RASA3: variants seen among roughly 807,000 people sequenced by gnomAD.
RASA3 encodes the protein ras GTPase-activating protein 3.
In RASA3, 73 loss-of-function variants were observed where a neutral mutation model predicts 110.0. The observed-to-expected ratio is 0.66, with a 90% CI of 0.55 to 0.81. The LOEUF (loss-of-function observed/expected upper bound fraction) is 0.81. Among genes scored for constraint, RASA3 ranks in the 30% least tolerant of loss-of-function variants. The pLI, the probability that RASA3 is intolerant of heterozygous loss-of-function variation, is 0.00. For missense variants in RASA3, 976 were observed against 1,113.2 expected, an observed-to-expected ratio of 0.88 and a Z score of 1.75; for synonymous variants, 500 against 451.4, an observed-to-expected ratio of 1.11 and a Z score of -1.37.
At chr13:114,037,220 C>A (rs1235912238) in intron 4 of RASA3, among the ~76,000 whole-genome samples, 2 of 152,188 alleles carry the variant, frequency 1.3e-5, no homozygotes, top group Non-Finnish European at 2.9e-5. Context: ...GAGTCCTGAT[C>A]GTCATGGTGG....
At chr13:114,040,287 T>C (rs182808171) in intron 4 of RASA3, among the ~76,000 whole-genome samples, 10 of 149,198 alleles carry the variant, frequency 6.7e-5, no homozygotes, top group African/African-American at 2.5e-4. Flanking sequence ...CAACCCAAAA[T>C]CCATGGCAGA....
chr13:114,079,993 C>G (rs1425608177), intron 1 of RASA3, among the ~76,000 whole-genome samples: 1 of 152,222 alleles, frequency 6.6e-6, no homozygotes, highest in East Asian at 1.9e-4. Flanking sequence ...CCTGGCAACA[C>G]AAGTGCCTTC....
At position 114,009,442 on chromosome 13, in the gene RASA3, A is replaced by T; in HGVS notation, c.1613T>A (p.Met538Lys). ...ATTGAAGAATTCATAAAATGTAGCC[A>T]TGTAGGACTCCTTAAAACTCGCCTA... ...SKSASFKESY[M>K]ATFYEFFNEQ... Residue 538 changes from methionine (M) to lysine (K), a missense_variant, in exon 17 of 24, where the codon ATG (methionine) becomes AAG (lysine). Met to Lys is a moderately conservative substitution (Grantham distance 95). Coordinates refer to ENST00000334062, the MANE Select transcript of RASA3 (RefSeq NM_007368.4). 6.2e-7 allele frequency: 1 copy of T among 1,612,012 alleles called. No homozygotes were observed. The highest frequency in any genetic ancestry group is 8.5e-7 in the Non-Finnish European group (1 of 1,179,144).
intron 4 of RASA3, among the ~76,000 whole-genome samples, chr13:114,031,633 CTG>C (rs138661535): frequency 1.3e-5 from 2 of 152,188 alleles, no homozygotes; most frequent in Middle Eastern, 3.4e-3. Flanking sequence ...CTGTGTCCAC[CTG>C]TGTGTGTGTG....
At chr13:114,123,141 C>T (rs9314899) in intron 1 of RASA3, among the ~76,000 whole-genome samples, 3 of 151,972 alleles carry the variant, frequency 2.0e-5, no homozygotes, top group African/African-American at 4.8e-5. Context: ...GGAGGGGGGC[C>T]GGAAACATGT....
chr13:114,051,212 G>A lies in RASA3; in HGVS notation c.277+840C>T, dbSNP rs1042180682. On this transcript the variant is annotated intron_variant, in intron 3 of 23. Transcript: ENST00000334062. ...TCAGCATCCCGGCAGCCATGAAGAC[G>A]AGGAGCCTGCACCACCTGGGGTCTG... Among the ~76,000 whole-genome samples, 7 of 152,178 alleles carry A rather than the reference G, an allele frequency of 4.6e-5. No homozygotes were observed. The East Asian group carries it at 5.8e-4, about 13-fold the overall frequency.
At chr13:114,095,675 G>C (rs566604631) in intron 1 of RASA3, among the ~76,000 whole-genome samples, 2 of 152,148 alleles carry the variant, frequency 1.3e-5, no homozygotes, top group East Asian at 3.9e-4. Context: ...AGCAGGCAAG[G>C]CTCAGGAGAG....
rs73567320 is a variant in RASA3, at chr13:114,017,315, C to T, written c.1128G>A (p.Ala376=). Residue 376 remains alanine, a synonymous_variant, in exon 12 of 24, where the codon GCG becomes GCA. Transcript: ENST00000334062. Reference sequence around the variant, plus strand: ...TCATGGTCTCGTCGATGCACTTGGACGCCAGTGAGTTTCCTCGGAAGATGG... The same window carrying T: ...TCATGGTCTCGTCGATGCACTTGGATGCCAGTGAGTTTCCTCGGAAGATGG... ...PNTIFRGNSL[A]SKCIDETMKL... The T allele has an allele frequency of 1.5e-3, 2,414 of 1,614,000 alleles. 21 individuals carry two copies. In the African/African-American group the frequency reaches 0.02, roughly 14 times the overall value.
chr13:114,077,741 C>T (rs1594432276), intron 1 of RASA3: 1 of 920,076 alleles, frequency 1.1e-6, no homozygotes, highest in East Asian at 1.2e-4. Flanking sequence ...CGATGATGCC[C>T]AGTCCCCTGG....
intron 1 of RASA3, among the ~76,000 whole-genome samples, chr13:114,089,698 CA>C (rs1160506228): frequency 6.6e-6 from 1 of 152,188 alleles, no homozygotes; most frequent in Non-Finnish European, 1.5e-5. Flanking sequence ...ATTGACACCA[CA>C]CAACTCCCTG....
intron 22 of RASA3, among the ~76,000 whole-genome samples, chr13:113,991,765 CAT>C (rs1367989772): frequency 6.6e-6 from 1 of 152,250 alleles, no homozygotes; most frequent in African/African-American, 2.4e-5. Flanking sequence ...AATTAGATGG[CAT>C]GTGTGTACCC....
In RASA3 at chr13:114,014,925, C is replaced by T. The variant is rs2053754964; in HGVS notation, c.1405+284G>A. ...TGTGGTCGTGAACTCCAGGGCTGGG[C>T]CCCTCTAGAGACCACTGCGGTGGTG... On this transcript the variant is annotated intron_variant, in intron 14 of 23. Coordinates refer to ENST00000334062, the MANE Select transcript of RASA3 (RefSeq NM_007368.4). This position sits in a 1 kb window ranked among gnomAD's most constrained non-coding sequence, Gnocchi z 4.5. 6.6e-6 allele frequency among the ~76,000 whole-genome samples: 1 copy of T among 151,910 alleles called. No individual in the cohort carries two copies. Among genetic ancestry groups the T allele is most frequent in the African/African-American group, 2.4e-5 (1 of 41,370 alleles).
intron 2 of RASA3, among the ~76,000 whole-genome samples, chr13:114,059,433 G>A (rs2079300507): frequency 6.6e-6 from 1 of 151,530 alleles, no homozygotes; most frequent in Admixed American, 6.6e-5. Context: ...GTACCCAGGA[G>A]GCACAGGTAC....
Position 114,057,263 on chromosome 13 carries a change from C to T in RASA3, c.174-5108G>A. The T allele has an allele frequency of 1.0e-6, 1 of 985,438 alleles. No homozygotes were observed. The highest frequency in any genetic ancestry group is 1.2e-6 in the Non-Finnish European group (1 of 829,932). The allele number at this position is 985,438 out of a possible 1,614,324, so 61.0% of individuals were successfully genotyped here. A position where few individuals can be genotyped will look rare whatever the true frequency, so the allele number is the denominator to read the frequency against. ...TTCCTGCGGGTCACCTCAAGTCTTT[C>T]AGGAAACCAGGCAGGACATCTGCAG... On this transcript the variant is annotated intron_variant, in intron 2 of 23. Transcript: ENST00000334062. This position sits in a 1 kb window ranked among gnomAD's most constrained non-coding sequence, Gnocchi z 5.0.
chr13:114,060,982 CCGG>C (rs1480590134), intron 2 of RASA3, among the ~76,000 whole-genome samples: 1 of 145,054 alleles, frequency 6.9e-6, no homozygotes, highest in African/African-American at 2.8e-5. Flanking sequence ...CCCCCCACAG[CCGG>C]CAGACGGAGC....
At chr13:113,980,867 A>G (rs1442472663) in intron 23 of RASA3, among the ~76,000 whole-genome samples, 1 of 152,170 alleles carries the variant, frequency 6.6e-6, no homozygotes, top group South Asian at 2.1e-4. Flanking sequence ...AGGAGGGAGA[A>G]GAAGGGTGGA....
At chr13:114,044,892 C>A in intron 3 of RASA3, among the ~76,000 whole-genome samples, 1 of 152,016 alleles carries the variant, frequency 6.6e-6, no homozygotes, top group Non-Finnish European at 1.5e-5. Context: ...CACATATTTA[C>A]GTGGATAAAA....
chr13:114,013,204 G>A lies in RASA3; in HGVS notation c.1450C>T (p.Leu484=). The A allele has an allele frequency of 6.2e-7, 1 of 1,613,456 alleles. No individual in the cohort carries two copies. The highest frequency in any genetic ancestry group is 8.5e-7 in the Non-Finnish European group (1 of 1,179,750). Residue 484 remains leucine (L), a synonymous_variant, in exon 15 of 24, where the codon CTG becomes TTG. Transcript: ENST00000334062. The part of the protein sequence containing the change: ...RYTAVSSFIF[L]RFFAPAILSP... The stretch of plus-strand genomic sequence containing the variant: ...AGAATGGCGGGCGCAAAGAACCTCA[G>A]GAAGATGAAGCTGCTCACTGCAGTG...
chr13:114,038,920 C>G (rs2054334996), intron 4 of RASA3, among the ~76,000 whole-genome samples: 1 of 152,254 alleles, frequency 6.6e-6, no homozygotes, highest in African/African-American at 2.4e-5. Context: ...TCACAAGGAA[C>G]CTATTTTGGG....
Sources: allele counts gnomAD v4.1 joint callset (sites outside exome capture counted in the v4.1 genomes callset), GRCh38; gene constraint gnomAD v4.1.1; non-coding constraint Gnocchi (gnomAD v3.1); transcripts MANE v1.5; gene names NCBI Gene and HGNC (gene_info 2026-07-23, HGNC 2026-07-21).